The following FHIT variants were observed in gnomAD, a reference collection of about 807,000 sequenced individuals.
FHIT encodes bis(5'-adenosyl)-triphosphatase.
FHIT carries 19 observed loss-of-function variants against 17.9 expected under a neutral mutation model. The observed-to-expected ratio is 1.06, with a 90% CI of 0.74 to 1.56. FHIT has a LOEUF of 1.56. FHIT is among the 40% of genes most tolerant of loss of function. FHIT has a pLI of 0.00. For synonymous variants in FHIT, 81 were observed against 69.7 expected (o/e 1.16, Z -0.81); for missense variants, 248 against 189.2 (o/e 1.31, Z -1.82).
intron 3 of FHIT, among the ~76,000 whole-genome samples, chr3:60,830,926 A>G (rs1259982138): frequency 6.6e-6 from 1 of 152,186 alleles, no homozygotes; most frequent in African/African-American, 2.4e-5. Context: ...TTAATCTCCA[A>G]TCGTGAACTG....
At chr3:60,726,964 C>A (rs547255648) in intron 4 of FHIT, among the ~76,000 whole-genome samples, 1 of 152,254 alleles carries the variant, frequency 6.6e-6, no homozygotes, top group East Asian at 1.9e-4. Context: ...CTAGGCAATG[C>A]TGTCTTCAAT....
chr3:59,951,337 C>T (rs774898654), intron 7 of FHIT, among the ~76,000 whole-genome samples: 1 of 152,282 alleles, frequency 6.6e-6, no homozygotes, highest in South Asian at 2.1e-4. Flanking sequence ...TTGCTGTTGA[C>T]TGGGAATCTC....
chr3:60,119,689 C>T (rs543697609), intron 5 of FHIT, among the ~76,000 whole-genome samples: 1 of 152,128 alleles, frequency 6.6e-6, no homozygotes, highest in Non-Finnish European at 1.5e-5. Context: ...TACTTGCCTC[C>T]TATGGTCAGC....
chr3:60,030,096 A>C (rs554255578), intron 5 of FHIT, among the ~76,000 whole-genome samples: 88 of 152,162 alleles, frequency 5.8e-4, no homozygotes, highest in Non-Finnish European at 1.1e-3. Context: ...TTATATTATC[A>C]AACCTCCTGA....
At chr3:60,838,581 A>G (rs951455356) in intron 3 of FHIT, among the ~76,000 whole-genome samples, 1 of 152,178 alleles carries the variant, frequency 6.6e-6, no homozygotes, top group Non-Finnish European at 1.5e-5. Context: ...GGATATTTTC[A>G]CAGGCAATAG....
At chr3:60,302,239 T>C (rs1421375138) in intron 5 of FHIT, among the ~76,000 whole-genome samples, 1 of 152,108 alleles carries the variant, frequency 6.6e-6, no homozygotes, top group African/African-American at 2.4e-5. Context: ...GCTTGGTTTT[T>C]ATTGGTAAGG....
chr3:60,936,206 G>T (rs181113707), intron 3 of FHIT, among the ~76,000 whole-genome samples: 1 of 152,104 alleles, frequency 6.6e-6, no homozygotes, highest in Non-Finnish European at 1.5e-5. Flanking sequence ...CTTTTAATAC[G>T]CAATTAAGTA....
chr3:60,638,889 G>A (rs782722046), intron 4 of FHIT, among the ~76,000 whole-genome samples: 1 of 151,276 alleles, frequency 6.6e-6, no homozygotes, highest in Non-Finnish European at 1.5e-5. Flanking sequence ...TTGGGGGTGG[G>A]AATGGAGGGC....
chr3:60,101,516 C>T (rs1158060014), intron 5 of FHIT, among the ~76,000 whole-genome samples: 1 of 152,194 alleles, frequency 6.6e-6, no homozygotes, highest in African/African-American at 2.4e-5. Context: ...CTCACCCACC[C>T]CATGCTATTT....
In FHIT at chr3:60,536,642, G is replaced by T. The variant is rs112427376; in HGVS notation, c.103+218C>A. The T allele has an allele frequency of 6.8e-6, 3 of 443,500 alleles. No individual in the cohort carries two copies. The Admixed American group carries it at 1.3e-4, about 19-fold the overall frequency. 27.5% of individuals were successfully genotyped at this position (443,500 alleles called of 1,614,324 possible). On this transcript the variant is annotated intron_variant, in intron 5 of 9. Coordinates refer to ENST00000492590, the MANE Select transcript of FHIT (RefSeq NM_002012.4). ...GGTTGCTAAGCAACTCTCCTCAGAA[G>T]TTCTGCAACATTGATCAAGCATATT...
At chr3:59,999,164 T>C (rs1341810562) in intron 7 of FHIT, among the ~76,000 whole-genome samples, 2 of 152,218 alleles carry the variant, frequency 1.3e-5, no homozygotes, top group East Asian at 3.9e-4. Context: ...TGTACTCACT[T>C]AGCACTCCCT....
chr3:59,969,863 A>G (rs570618921), intron 7 of FHIT, among the ~76,000 whole-genome samples: 7 of 152,128 alleles, frequency 4.6e-5, no homozygotes, highest in Admixed American at 6.6e-5. Context: ...ATTGTCTATA[A>G]TAAGTCCAAG....
intron 4 of FHIT, among the ~76,000 whole-genome samples, chr3:60,610,967 A>G (rs1380998879): frequency 6.6e-6 from 1 of 152,142 alleles, no homozygotes; most frequent in Non-Finnish European, 1.5e-5. Context: ...CTTAAGCCTA[A>G]ATTTCCTCAT....
intron 7 of FHIT, among the ~76,000 whole-genome samples, chr3:59,964,212 T>C (rs1227653692): frequency 1.3e-5 from 2 of 152,168 alleles, no homozygotes; most frequent in Non-Finnish European, 1.5e-5. Flanking sequence ...AAATATATTA[T>C]ACTAAAATTG....
At chr3:60,970,056 T>C (rs1553784837) in intron 3 of FHIT, among the ~76,000 whole-genome samples, 1 of 152,136 alleles carries the variant, frequency 6.6e-6, no homozygotes, top group Non-Finnish European at 1.5e-5. Context: ...ACTCCTACAC[T>C]GAAGCGATCT....
intron 5 of FHIT, among the ~76,000 whole-genome samples, chr3:60,303,726 G>C (rs542682938): frequency 6.6e-5 from 10 of 152,262 alleles, no homozygotes; most frequent in African/African-American, 2.4e-4. Context: ...CTGTCCTGGA[G>C]CATCACCTAG....
chr3:60,173,988 A>G (rs1430741747), intron 5 of FHIT, among the ~76,000 whole-genome samples: 1 of 136,662 alleles, frequency 7.3e-6, no homozygotes, highest in Non-Finnish European at 1.5e-5. Flanking sequence ...ATCTTGGTTC[A>G]CTGCAACCTC....
At chr3:60,968,614 T>A (rs1394423826) in intron 3 of FHIT, among the ~76,000 whole-genome samples, 1 of 152,166 alleles carries the variant, frequency 6.6e-6, no homozygotes, top group Non-Finnish European at 1.5e-5. Flanking sequence ...GATTTCACCA[T>A]AGTGGCCAGG....
chr3:60,558,396 C>A (rs922428319), intron 4 of FHIT, among the ~76,000 whole-genome samples: 9 of 151,686 alleles, frequency 5.9e-5, no homozygotes, highest in Non-Finnish European at 7.4e-5. Context: ...TTAAATATTT[C>A]TCTGATGTCA....
Sources: allele counts gnomAD v4.1 joint callset (sites outside exome capture counted in the v4.1 genomes callset), GRCh38; gene constraint gnomAD v4.1.1; transcripts MANE v1.5; gene names NCBI Gene and HGNC (gene_info 2026-07-23, HGNC 2026-07-21).